Variants in RBFOX1 observed in about 807,000 individuals in gnomAD.
RBFOX1 encodes the protein RNA binding fox-1 homolog 1.
RBFOX1 carries 8 observed loss-of-function variants against 57.7 expected under a neutral mutation model. The ratio of observed to expected loss-of-function variants is 0.14; its 90% CI spans 0.08 to 0.25. The LOEUF is 0.25. Ranked by LOEUF, RBFOX1 falls within the 10% of genes least tolerant of loss-of-function variation. The pLI is 1.00. For missense variants in RBFOX1, 611 were observed against 548.5 expected (o/e 1.11, Z -1.14); for synonymous variants, 326 against 222.4 (o/e 1.47, Z -4.15).
At chr16:6,560,487 A>C (rs758928344) in intron 2 of RBFOX1, among the ~76,000 whole-genome samples, 1 of 152,088 alleles carries the variant, frequency 6.6e-6, no homozygotes, top group African/African-American at 2.4e-5. Context: ...CAAAAGATCT[A>C]AGGCTTGAGA....
chr16:6,498,560 T>G (rs2095836621), intron 2 of RBFOX1, among the ~76,000 whole-genome samples: 1 of 152,098 alleles, frequency 6.6e-6, no homozygotes, highest in Admixed American at 6.5e-5. Context: ...CTCCAACGAT[T>G]AGATTGTGAT....
chr16:6,364,123 C>T (rs889539545), intron 2 of RBFOX1, among the ~76,000 whole-genome samples: 1 of 152,132 alleles, frequency 6.6e-6, no homozygotes, highest in East Asian at 1.9e-4. Context: ...TATGCCACAA[C>T]GTCTGTTCCC....
chr16:7,154,582 A>G (rs2076714410), intron 4 of RBFOX1, among the ~76,000 whole-genome samples: 2 of 152,098 alleles, frequency 1.3e-5, no homozygotes. Flanking sequence ...TTATATTTAA[A>G]CTTGAAGGCA....
intron 2 of RBFOX1, among the ~76,000 whole-genome samples, chr16:6,467,453 A>T (rs1393451142): frequency 1.3e-5 from 2 of 152,178 alleles, no homozygotes; most frequent in Non-Finnish European, 2.9e-5. Flanking sequence ...TGTCCAGGCA[A>T]GGTGACTTTA....
At chr16:6,811,954 C>T (rs985100151) in intron 3 of RBFOX1, among the ~76,000 whole-genome samples, 1 of 152,056 alleles carries the variant, frequency 6.6e-6, no homozygotes, top group Admixed American at 6.6e-5. Context: ...AAGTTGCAGA[C>T]TGGAATTTCT....
At chr16:6,796,599 C>G (rs569753337) in intron 3 of RBFOX1, among the ~76,000 whole-genome samples, 1 of 152,230 alleles carries the variant, frequency 6.6e-6, no homozygotes, top group East Asian at 1.9e-4. Flanking sequence ...TCATACCTAT[C>G]CTAAACACTT....
At chr16:6,393,792 G>A (rs1355834433) in intron 2 of RBFOX1, among the ~76,000 whole-genome samples, 1 of 152,112 alleles carries the variant, frequency 6.6e-6, no homozygotes, top group Non-Finnish European at 1.5e-5. Context: ...ATGTTTTATG[G>A]GTGACCAATT....
chr16:5,490,479 G>T (rs1403438828), intron 2 of RBFOX1, among the ~76,000 whole-genome samples: 1 of 151,900 alleles, frequency 6.6e-6, no homozygotes, highest in Non-Finnish European at 1.5e-5. Context: ...GAGGCGTCCT[G>T]GGAACCTGGC....
At chr16:7,424,554 C>G (rs1285263764) in intron 4 of RBFOX1, among the ~76,000 whole-genome samples, 1 of 152,202 alleles carries the variant, frequency 6.6e-6, no homozygotes, top group Non-Finnish European at 1.5e-5. Context: ...ACCACCTCAC[C>G]TGGCCATACG....
At chr16:5,602,306 T>C (rs1279899487), downstream of RBFOX1, among the ~76,000 whole-genome samples, 1 of 152,258 alleles carries the variant, frequency 6.6e-6, no homozygotes. Flanking sequence ...TCTGGGAATT[T>C]GCACCTTGGA....
intron 5 of RBFOX1, among the ~76,000 whole-genome samples, chr16:7,545,681 G>A (rs1173695678): frequency 9.9e-5 from 15 of 152,136 alleles, no homozygotes; most frequent in African/African-American, 3.4e-4. Flanking sequence ...TGCCCGACAC[G>A]GTGACTTGAT....
At chr16:5,302,968 G>A (rs1528321) in intron 1 of RBFOX1, among the ~76,000 whole-genome samples, 94,416 of 152,048 alleles carry the variant, frequency 0.62, 30,225 homozygotes, top group South Asian at 0.73. Context: ...GTCTATCTTG[G>A]CTTTTATTTT....
At chr16:6,526,257 A>G (rs1363852932) in intron 2 of RBFOX1, among the ~76,000 whole-genome samples, 1 of 152,180 alleles carries the variant, frequency 6.6e-6, no homozygotes. Context: ...TGAGTAATAG[A>G]GTATTGGGTT....
intron 2 of RBFOX1, among the ~76,000 whole-genome samples, chr16:6,510,109 C>T (rs2096220398): frequency 6.6e-6 from 1 of 152,144 alleles, no homozygotes. Flanking sequence ...ACTGTAACTT[C>T]CTCTATCCTG....
chr16:6,600,552 A>G (rs1451049904), intron 2 of RBFOX1, among the ~76,000 whole-genome samples: 1 of 152,236 alleles, frequency 6.6e-6, no homozygotes, highest in Admixed American at 6.5e-5. Flanking sequence ...TGTGGTGATT[A>G]TAAGATGTAA....
chr16:5,691,132 AGTT>A (rs2050664266), intron 3 of RBFOX1, among the ~76,000 whole-genome samples: 1 of 152,202 alleles, frequency 6.6e-6, no homozygotes, highest in South Asian at 2.1e-4. Flanking sequence ...GCTTAGAGAT[AGTT>A]GTTAAGTTTT....
At chr16:5,890,866 A>C (rs2058030122) in intron 4 of RBFOX1, among the ~76,000 whole-genome samples, 1 of 152,180 alleles carries the variant, frequency 6.6e-6, no homozygotes, top group Admixed American at 6.5e-5. Context: ...TGAATTCAGG[A>C]AATGGAATAC....
intron 1 of RBFOX1, among the ~76,000 whole-genome samples, chr16:6,072,532 C>G (rs186896648): frequency 6.6e-6 from 1 of 152,126 alleles, no homozygotes. Flanking sequence ...AACATTTATA[C>G]TCTTTTTCCA....
intron 2 of RBFOX1, among the ~76,000 whole-genome samples, chr16:6,432,568 G>T (rs2153008112): frequency 1.3e-5 from 2 of 151,782 alleles, no homozygotes; most frequent in South Asian, 4.2e-4. Flanking sequence ...TGTAATCCCA[G>T]CTTCTGGGGA....
Sources: gnomAD v4.1 joint callset for allele counts (sites outside exome capture counted in the v4.1 genomes callset) on GRCh38, gnomAD v4.1.1 for gene constraint, MANE v1.5 for transcripts, NCBI Gene and HGNC (gene_info 2026-07-23, HGNC 2026-07-21) for gene names.